Variants in EFCAB5 observed in about 807,000 individuals in gnomAD.
EFCAB5 encodes the protein EF-hand calcium binding domain 5.
Under a neutral mutation model 167.9 loss-of-function variants are expected in EFCAB5, and 131 were observed. The ratio of observed to expected loss-of-function variants is 0.78; its 90% confidence interval spans 0.68 to 0.90. The LOEUF (loss-of-function observed/expected upper bound fraction) is 0.90. Among genes scored for constraint, EFCAB5 ranks in the 40% least tolerant of loss-of-function variants. The probability of loss-of-function intolerance (pLI) is 0.00; values close to 1 mark genes in which losing one functional copy is unlikely to be tolerated. For missense variants in EFCAB5, 1,663 were observed against 1,745.2 expected, an observed-to-expected ratio of 0.95 and a Z score of 0.84; for synonymous variants, 574 against 602.8, an observed-to-expected ratio of 0.95 and a Z score of 0.70.
chr17:30,092,600 G>C (rs570956886), intron 21 of EFCAB5, among the ~76,000 whole-genome samples: 3 of 152,236 alleles, frequency 2.0e-5, no homozygotes, highest in Admixed American at 2.0e-4. Flanking sequence ...TGTTAGCCAG[G>C]CTGGTCTCGA....
intron 3 of EFCAB5, among the ~76,000 whole-genome samples, chr17:29,959,106 G>A (rs1053689770): frequency 2.0e-5 from 3 of 152,088 alleles, no homozygotes; most frequent in African/African-American, 4.8e-5. Flanking sequence ...ACCTGAAGCC[G>A]GCACAGTACT....
intron 14 of EFCAB5, among the ~76,000 whole-genome samples, chr17:30,060,700 A>C (rs1289236909): frequency 6.6e-6 from 1 of 152,226 alleles, no homozygotes; most frequent in Non-Finnish European, 1.5e-5. Flanking sequence ...CAAACTTTAC[A>C]TTATACTACC....
chr17:29,992,459 T>G (rs755741303), intron 4 of EFCAB5, among the ~76,000 whole-genome samples: 2 of 152,340 alleles, frequency 1.3e-5, no homozygotes, highest in South Asian at 4.1e-4. Flanking sequence ...ACCATTCTCC[T>G]GCCTCAGCCT....
intron 3 of EFCAB5, among the ~76,000 whole-genome samples, chr17:29,947,690 C>T (rs867087812): frequency 3.5e-4 from 54 of 152,192 alleles, no homozygotes; most frequent in African/African-American, 1.3e-3. Flanking sequence ...TTTACTTATC[C>T]TCTTCTACCT....
chr17:30,052,376 A>G (rs1216666199), intron 9 of EFCAB5, among the ~76,000 whole-genome samples: 1 of 152,146 alleles, frequency 6.6e-6, no homozygotes, highest in African/African-American at 2.4e-5. Flanking sequence ...CATGTTGGGC[A>G]GGCAGGTCTC....
At chr17:30,076,494 T>C (rs1402569838) in intron 14 of EFCAB5, among the ~76,000 whole-genome samples, 1 of 152,192 alleles carries the variant, frequency 6.6e-6, no homozygotes, top group Admixed American at 6.5e-5. Context: ...AAAAAATCAA[T>C]AAATGTTCAA....
At chr17:30,068,664 C>T (rs540287586) in intron 14 of EFCAB5, 1 of 1,547,840 alleles carries the variant, frequency 6.5e-7, no homozygotes, top group South Asian at 1.2e-5. Context: ...TCCGGGCCAG[C>T]GTCAAGACCG....
chr17:29,944,028 G>A (rs2067347023), intron 3 of EFCAB5, among the ~76,000 whole-genome samples: 1 of 152,086 alleles, frequency 6.6e-6, no homozygotes, highest in African/African-American at 2.4e-5. Flanking sequence ...TACTGGGGAT[G>A]CGTTCTTCAA....
rs193221671 is a variant in EFCAB5, at chr17:30,060,067, A to G, written c.2737+366A>G. On this transcript the variant is annotated intron_variant, in intron 14 of 22. Coordinates refer to ENST00000394835, the MANE Select transcript of EFCAB5 (RefSeq NM_198529.4). ...TTAGAAGCCTTGTGCATTTGTCAAC[A>G]CAGTCAGAAGTGGAATATGTTGCAG... Among the ~76,000 whole-genome samples the G allele has an allele frequency of 1.7e-3, 263 of 152,354 alleles. 1 individual carries two copies. The highest frequency in any genetic ancestry group is 2.7e-3 in the Non-Finnish European group (181 of 68,038).
intron 8 of EFCAB5, among the ~76,000 whole-genome samples, chr17:30,046,578 G>C (rs761269592): frequency 3.3e-5 from 5 of 152,142 alleles, no homozygotes; most frequent in Non-Finnish European, 7.4e-5. Context: ...TCACAGACTT[G>C]CCAAGTCTTT....
chr17:30,043,273 A>G (rs2069825095), intron 8 of EFCAB5, among the ~76,000 whole-genome samples: 1 of 152,266 alleles, frequency 6.6e-6, no homozygotes, highest in Admixed American at 6.5e-5. Context: ...AAGCACATCT[A>G]TGAACAACTT....
intron 17 of EFCAB5, among the ~76,000 whole-genome samples, chr17:30,082,390 C>CTTTTTTTTTTTTTTTTTTTT (rs71138871): frequency 1.0e-5 from 1 of 98,246 alleles, no homozygotes; most frequent in African/African-American, 4.1e-5. Flanking sequence ...CTTTATACCT[C>CTTTTTTTTTTTTTTTTTTTT]TTTTTTTTTT....
At chr17:29,945,670 G>T (rs928410924) in intron 3 of EFCAB5, among the ~76,000 whole-genome samples, 3 of 151,958 alleles carry the variant, frequency 2.0e-5, no homozygotes, top group Admixed American at 1.3e-4. Context: ...ACATAATAGA[G>T]AACCCAGAAA....
At chr17:29,943,993 G>T (rs936652044) in intron 3 of EFCAB5, among the ~76,000 whole-genome samples, 2 of 151,886 alleles carry the variant, frequency 1.3e-5, no homozygotes, top group Admixed American at 6.6e-5. Flanking sequence ...ATAAATAAAA[G>T]AATCTAAAAC....
chr17:29,994,686 G>A (rs1017384854), intron 5 of EFCAB5, among the ~76,000 whole-genome samples: 2 of 152,218 alleles, frequency 1.3e-5, no homozygotes, highest in African/African-American at 4.8e-5. Flanking sequence ...TGAGGCAGAA[G>A]GATCGCTTGT....
chr17:29,969,402 C>A lies in EFCAB5; in HGVS notation c.767+35C>A, dbSNP rs374791831. On this transcript the variant is annotated intron_variant, in intron 4 of 22. Transcript: ENST00000394835. ...GTTATAGTTTCAGTTCATGATCTGT[C>A]TCCTTACATTGAAAAACTAGTAGAA... is the stretch of plus-strand genomic sequence containing the variant. 3.5e-5 allele frequency: 52 copies of A among 1,481,272 alleles called. No homozygotes were observed. In the African/African-American group the frequency reaches 5.2e-4, roughly 15 times the overall value. 91.8% of individuals were successfully genotyped at this position (1,481,272 alleles called of 1,614,324 possible).
At chr17:30,087,438 G>A (rs2071111681) in intron 19 of EFCAB5, among the ~76,000 whole-genome samples, 1 of 152,098 alleles carries the variant, frequency 6.6e-6, no homozygotes, top group Non-Finnish European at 1.5e-5. Context: ...TTTTCCTAAT[G>A]TTCTCCCTAC....
Position 30,055,977 on chromosome 17 carries a change from T to C in EFCAB5, c.2272+12T>C. The stretch of plus-strand genomic sequence containing the variant: ...AAAGTCATGGTCAGGTAACTCCTCA[T>C]TTAATCCTCCTTTCATTTATACCCT... On this transcript the variant is annotated intron_variant, in intron 11 of 22. Coordinates refer to ENST00000394835, the MANE Select transcript of EFCAB5 (RefSeq NM_198529.4). The C allele has an allele frequency of 1.2e-6, 2 of 1,613,662 alleles. No individual in the cohort carries two copies. Among genetic ancestry groups the C allele is most frequent in the Non-Finnish European group, 1.7e-6 (2 of 1,179,740 alleles).
At chr17:30,042,040 G>A (rs894716671) in intron 8 of EFCAB5, among the ~76,000 whole-genome samples, 11 of 150,628 alleles carry the variant, frequency 7.3e-5, no homozygotes, top group East Asian at 5.8e-4. Flanking sequence ...ATGGAGTATC[G>A]CTCTGTCTCC....
Sources: allele counts gnomAD v4.1 joint callset (sites outside exome capture counted in the v4.1 genomes callset), GRCh38; gene constraint gnomAD v4.1.1; transcripts MANE v1.5; gene names NCBI Gene and HGNC (gene_info 2026-07-23, HGNC 2026-07-21).